EYS: variants seen among roughly 807,000 people sequenced by gnomAD.
EYS encodes protein eyes shut homolog.
In EYS, 250 loss-of-function variants were observed where a neutral mutation model predicts 282.1. That is an observed-to-expected ratio of 0.89 (90% CI 0.80 to 0.98). The LOEUF is 0.98. Ranked by LOEUF, EYS falls within the 50% of genes least tolerant of loss-of-function variation. The probability of loss-of-function intolerance (pLI) is 0.00; values close to 1 mark genes in which losing one functional copy is unlikely to be tolerated. For synonymous variants in EYS, 1,355 were observed against 1,282.9 expected (o/e 1.06, Z -1.20); for missense variants, 4,016 against 3,709.0 (o/e 1.08, Z -2.15).
At position 63,720,936 on chromosome 6, in the gene EYS, A is replaced by T; in HGVS notation, c.9095T>A (p.Met3032Lys). 1 of 1,551,348 alleles carries T rather than the reference A, an allele frequency of 6.4e-7. No individual in the cohort carries two copies. The highest frequency in any genetic ancestry group is 8.7e-7 in the Non-Finnish European group (1 of 1,146,760). Reference protein sequence around the residue: ...VNLGERISVPMSYNNGTFCCN... With the variant: ...VNLGERISVPKSYNNGTFCCN... Reference sequence around the variant, plus strand: ...ACAGAATGTGCCATTGTTATAGCTCATAGGCACAGAGATTCTTTCTCCCAA... The same window carrying T: ...ACAGAATGTGCCATTGTTATAGCTCTTAGGCACAGAGATTCTTTCTCCCAA... The change falls in exon 43 of 43, where the codon ATG becomes AAG. Residue 3032 changes from methionine (M) to lysine (K), a missense_variant. Coordinates refer to ENST00000503581, the MANE Select transcript of EYS (RefSeq NM_001142800.2).
At chr6:63,770,867 A>C (rs764379740) in intron 40 of EYS, among the ~76,000 whole-genome samples, 1 of 152,154 alleles carries the variant, frequency 6.6e-6, no homozygotes, top group Non-Finnish European at 1.5e-5. Flanking sequence ...GAAACTCGAC[A>C]TGTTTACTAG....
At chr6:63,969,468 G>A (rs1766455647) in intron 35 of EYS, among the ~76,000 whole-genome samples, 1 of 152,162 alleles carries the variant, frequency 6.6e-6, no homozygotes, top group Non-Finnish European at 1.5e-5. Flanking sequence ...GATTTCTGTA[G>A]ATTAGTTTAA....
At chr6:63,987,489 G>T (rs1419419410) in intron 34 of EYS, among the ~76,000 whole-genome samples, 1 of 151,622 alleles carries the variant, frequency 6.6e-6, no homozygotes, top group Non-Finnish European at 1.5e-5. Flanking sequence ...ATATATAATT[G>T]AATTCTCATA....
chr6:64,650,526 AACTTTATACAG>A (rs1768520406), intron 22 of EYS, among the ~76,000 whole-genome samples: 1 of 152,098 alleles, frequency 6.6e-6, no homozygotes, highest in South Asian at 2.1e-4. Flanking sequence ...AGGAGAATTT[AACTTTATACAG>A]CAGTATGCTT....
chr6:64,037,615 C>G (rs775804692), intron 33 of EYS, among the ~76,000 whole-genome samples: 1 of 152,132 alleles, frequency 6.6e-6, no homozygotes, highest in Non-Finnish European at 1.5e-5. Flanking sequence ...ATAAACTACT[C>G]CCCTTGGCAG....
At chr6:64,618,160 T>C (rs1317046977) in intron 23 of EYS, among the ~76,000 whole-genome samples, 1 of 152,188 alleles carries the variant, frequency 6.6e-6, no homozygotes, top group African/African-American at 2.4e-5. Context: ...ATGTATTTTG[T>C]TTGGCTTTTG....
intron 36 of EYS, among the ~76,000 whole-genome samples, chr6:63,850,178 G>GA (rs796541472): frequency 1.1e-4 from 17 of 152,242 alleles, no homozygotes; most frequent in African/African-American, 4.1e-4. Flanking sequence ...GAGACAATGG[G>GA]AAAAGACCAA....
chr6:64,950,943 C>T (rs948038637), intron 14 of EYS, among the ~76,000 whole-genome samples: 2 of 150,706 alleles, frequency 1.3e-5, no homozygotes, highest in Non-Finnish European at 3.0e-5. Context: ...CAAACCAGGA[C>T]ATCTGCCCAT....
chr6:64,330,683 T>G (rs1770610283), intron 29 of EYS, among the ~76,000 whole-genome samples: 1 of 152,200 alleles, frequency 6.6e-6, no homozygotes, highest in Non-Finnish European at 1.5e-5. Context: ...CGCAAGATGC[T>G]AACAAGCTCA....
chr6:64,509,844 AC>A (rs1777328588), intron 26 of EYS, among the ~76,000 whole-genome samples: 1 of 152,162 alleles, frequency 6.6e-6, no homozygotes, highest in South Asian at 2.1e-4. Flanking sequence ...TGTTAGTGCT[AC>A]TTTTGGAGCA....
intron 2 of EYS, among the ~76,000 whole-genome samples, chr6:65,630,259 T>C (rs546574043): frequency 1.1e-4 from 16 of 152,316 alleles, no homozygotes; most frequent in Middle Eastern, 6.8e-3. Flanking sequence ...CTTAGGTCAA[T>C]AGGAATCACA....
At chr6:65,231,565 C>T (rs1408559296) in intron 12 of EYS, among the ~76,000 whole-genome samples, 1 of 151,454 alleles carries the variant, frequency 6.6e-6, no homozygotes, top group Non-Finnish European at 1.5e-5. Context: ...TTTTTTTCAC[C>T]TTGACCATAA....
intron 19 of EYS, among the ~76,000 whole-genome samples, chr6:64,877,892 G>T (rs1337067767): frequency 6.6e-6 from 1 of 152,156 alleles, no homozygotes. Flanking sequence ...ATAGTATGGA[G>T]AGAATAATTT....
chr6:65,333,154 G>A (rs1031236724), intron 11 of EYS, among the ~76,000 whole-genome samples: 1 of 150,864 alleles, frequency 6.6e-6, no homozygotes, highest in African/African-American at 2.4e-5. Context: ...TTGTGTTGTG[G>A]AAGTTTAGGC....
intron 27 of EYS, among the ~76,000 whole-genome samples, chr6:64,438,665 C>A (rs1043114552): frequency 7.3e-5 from 11 of 151,340 alleles, no homozygotes; most frequent in African/African-American, 2.7e-4. Flanking sequence ...GAAAAAAAGA[C>A]AATGAATGTT....
intron 28 of EYS, among the ~76,000 whole-genome samples, chr6:64,435,364 AAGG>A (rs1471060295): frequency 8.6e-5 from 13 of 151,636 alleles, no homozygotes; most frequent in African/African-American, 3.1e-4. Context: ...GTTCTGGCCT[AAGG>A]AAGATAGAAC....
intron 22 of EYS, among the ~76,000 whole-genome samples, chr6:64,761,165 T>C (rs371113246): frequency 2.6e-5 from 4 of 152,124 alleles, no homozygotes; most frequent in Non-Finnish European, 2.9e-5. Context: ...CTCCAGGAAA[T>C]TGGAAACTCA....
At chr6:63,966,486 A>G (rs2149779928) in intron 35 of EYS, among the ~76,000 whole-genome samples, 1 of 152,070 alleles carries the variant, frequency 6.6e-6, no homozygotes, top group Admixed American at 6.6e-5. Context: ...ACCAAATACC[A>G]CCTGTACCCT....
chr6:64,180,111 CTT>C (rs2150311204), intron 31 of EYS, among the ~76,000 whole-genome samples: 1 of 152,194 alleles, frequency 6.6e-6, no homozygotes, highest in East Asian at 1.9e-4. Flanking sequence ...ATTAATAACA[CTT>C]TTGATATATT....
Sources: allele counts gnomAD v4.1 joint callset (sites outside exome capture counted in the v4.1 genomes callset), GRCh38; gene constraint gnomAD v4.1.1; transcripts MANE v1.5; gene names NCBI Gene and HGNC (gene_info 2026-07-23, HGNC 2026-07-21).